PDE4B: variants seen among roughly 807,000 people sequenced by gnomAD.
The protein encoded by PDE4B is 3',5'-cyclic-AMP phosphodiesterase 4B.
In PDE4B, 20 loss-of-function variants were observed where a neutral mutation model predicts 82.2. The ratio of observed to expected loss-of-function variants is 0.24; its 90% CI spans 0.17 to 0.35. PDE4B has a LOEUF of 0.35. PDE4B is among the 10% of genes least tolerant of loss of function. The pLI is 1.00. For missense variants in PDE4B, 655 were observed against 907.2 expected (o/e 0.72, Z 3.57); for synonymous variants, 320 against 318.9 (o/e 1.00, Z -0.04).
intron 1 of PDE4B, among the ~76,000 whole-genome samples, chr1:65,885,392 C>T (rs1442782604): frequency 1.3e-5 from 2 of 152,110 alleles, no homozygotes; most frequent in African/African-American, 4.8e-5. Context: ...AATCATGCTG[C>T]TATAAAGACA....
intron 4 of PDE4B, among the ~76,000 whole-genome samples, chr1:66,257,024 A>G (rs1654284472): frequency 6.6e-6 from 1 of 152,200 alleles, no homozygotes; most frequent in Non-Finnish European, 1.5e-5. Context: ...AACACTAGGT[A>G]CAGCTTAATC....
intron 1 of PDE4B, among the ~76,000 whole-genome samples, chr1:65,903,000 T>G (rs963718252): frequency 2.6e-5 from 4 of 152,124 alleles, no homozygotes; most frequent in Admixed American, 2.0e-4. Context: ...TCTCTATATT[T>G]TATCTGTAAA....
chr1:66,320,753 A>G (rs1659342716), intron 7 of PDE4B, among the ~76,000 whole-genome samples: 1 of 152,200 alleles, frequency 6.6e-6, no homozygotes, highest in Non-Finnish European at 1.5e-5. Flanking sequence ...ACCAAGAGAA[A>G]TATTTGTAAT....
intron 7 of PDE4B, among the ~76,000 whole-genome samples, chr1:66,269,195 A>T (rs1295129258): frequency 6.6e-6 from 1 of 152,246 alleles, no homozygotes; most frequent in East Asian, 1.9e-4. Flanking sequence ...GGTTTGAAGC[A>T]CACTCTATAA....
At chr1:66,285,575 T>G (rs1446454502) in intron 7 of PDE4B, among the ~76,000 whole-genome samples, 1 of 152,124 alleles carries the variant, frequency 6.6e-6, no homozygotes, top group Non-Finnish European at 1.5e-5. Flanking sequence ...AACTCCCACT[T>G]ATAAGTGAAA....
chr1:66,343,142 T>C (rs1661135748), intron 8 of PDE4B, among the ~76,000 whole-genome samples: 1 of 152,128 alleles, frequency 6.6e-6, no homozygotes, highest in South Asian at 2.1e-4. Flanking sequence ...AGGAGAATCA[T>C]TTGTGTATAA....
intron 3 of PDE4B, among the ~76,000 whole-genome samples, chr1:66,182,678 G>A (rs1420374606): frequency 6.6e-6 from 1 of 152,118 alleles, no homozygotes; most frequent in Non-Finnish European, 1.5e-5. Flanking sequence ...CATAGCAGCT[G>A]TCTCCGCTGC....
At chr1:66,367,392 T>A (rs1448743598) in intron 13 of PDE4B, 1 of 200,456 alleles carries the variant, frequency 5.0e-6, no homozygotes, top group Non-Finnish European at 1.0e-5. Flanking sequence ...AGGATTTAGC[T>A]GCTCAGGAAT....
At chr1:66,010,803 AT>A (rs1652440614) in intron 3 of PDE4B, among the ~76,000 whole-genome samples, 1 of 146,800 alleles carries the variant, frequency 6.8e-6, no homozygotes, top group South Asian at 2.2e-4. Context: ...TGCATGTGAT[AT>A]TTAGCTCTAT....
chr1:65,864,170 A>G lies in PDE4B; in HGVS notation c.-70-49075A>G, dbSNP rs538865274. On this transcript the variant is annotated intron_variant, in intron 1 of 16. Coordinates refer to ENST00000341517, the MANE Select transcript of PDE4B (RefSeq NM_002600.4). ...TCAATTCAGGTATTGATACTTGTGT[A>G]TGCTTCACGAAGTTCTTGTGCTGTG... 2.0e-5 allele frequency among the ~76,000 whole-genome samples: 3 copies of G among 151,662 alleles called. No homozygotes were observed. In the South Asian group the frequency reaches 6.2e-4, roughly 32 times the overall value.
chr1:66,256,296 A>G (rs1415214570), intron 4 of PDE4B, among the ~76,000 whole-genome samples: 5 of 152,256 alleles, frequency 3.3e-5, no homozygotes, highest in Non-Finnish European at 7.3e-5. Flanking sequence ...TCTTCTACTT[A>G]CTAGGTATGT....
intron 3 of PDE4B, among the ~76,000 whole-genome samples, chr1:66,242,643 C>T (rs528254125): frequency 8.6e-4 from 131 of 152,320 alleles, no homozygotes; most frequent in Admixed American, 1.8e-3. Context: ...GCAGGCAATT[C>T]TGCGACCACC....
At chr1:66,251,876 C>G (rs1345667796) in intron 4 of PDE4B, among the ~76,000 whole-genome samples, 1 of 152,102 alleles carries the variant, frequency 6.6e-6, no homozygotes, top group Non-Finnish European at 1.5e-5. Flanking sequence ...AGGAATTGGC[C>G]TTTATGTTGC....
intron 7 of PDE4B, among the ~76,000 whole-genome samples, chr1:66,301,831 G>A (rs1657917691): frequency 6.6e-6 from 1 of 152,014 alleles, no homozygotes; most frequent in Non-Finnish European, 1.5e-5. Context: ...TTTCTTGAAG[G>A]GATTACTGCT....
At chr1:66,147,484 T>A (rs531549447) in intron 3 of PDE4B, among the ~76,000 whole-genome samples, 1 of 152,332 alleles carries the variant, frequency 6.6e-6, no homozygotes, top group South Asian at 2.1e-4. Context: ...ACCTTCCACA[T>A]GCCCACACTC....
intron 3 of PDE4B, among the ~76,000 whole-genome samples, chr1:65,942,368 T>C (rs577824805): frequency 6.6e-6 from 1 of 152,180 alleles, no homozygotes; most frequent in Non-Finnish European, 1.5e-5. Flanking sequence ...CCTTCTTTTT[T>C]TTTTAAAGAA....
At chr1:66,089,766 A>G (rs1255807880) in intron 3 of PDE4B, among the ~76,000 whole-genome samples, 1 of 152,064 alleles carries the variant, frequency 6.6e-6, no homozygotes. Flanking sequence ...TGTTCTGTGT[A>G]TTATGAAGTA....
intron 3 of PDE4B, among the ~76,000 whole-genome samples, chr1:65,929,810 C>T (rs1647729733): frequency 6.6e-6 from 1 of 152,158 alleles, no homozygotes; most frequent in Admixed American, 6.6e-5. Flanking sequence ...TTGTATAACT[C>T]TCTAAACAAT....
intron 3 of PDE4B, among the ~76,000 whole-genome samples, chr1:66,105,504 G>A (rs1043450147): frequency 4.6e-5 from 7 of 152,094 alleles, no homozygotes; most frequent in African/African-American, 1.7e-4. Context: ...GATGGGGATG[G>A]CATTGAATCT....
Sources: allele counts gnomAD v4.1 joint callset (sites outside exome capture counted in the v4.1 genomes callset), GRCh38; gene constraint gnomAD v4.1.1; transcripts MANE v1.5; gene names NCBI Gene and HGNC (gene_info 2026-07-23, HGNC 2026-07-21).